Variants in TIMM23B observed in about 807,000 individuals in gnomAD.
TIMM23B encodes translocase of inner mitochondrial membrane 23 homolog B.
Under a neutral mutation model 27.3 loss-of-function variants are expected in TIMM23B, and 27 were observed. The ratio of observed to expected loss-of-function variants is 0.99; its 90% CI spans 0.73 to 1.36. The LOEUF is 1.36. TIMM23B is among the 40% of genes most tolerant of loss of function. TIMM23B has a pLI of 0.00. For missense variants in TIMM23B, 205 were observed against 244.2 expected, an observed-to-expected ratio of 0.84 and a Z score of 1.07; for synonymous variants, 73 against 92.4, an observed-to-expected ratio of 0.79 and a Z score of 1.21.
chr10:49,955,095 A>G, intron 5 of TIMM23B, 35 bp downstream of exon 5: 3 of 1,602,638 alleles, frequency 1.9e-6, no homozygotes, highest in Non-Finnish European at 2.6e-6. Context: ...TAAATTGTTA[A>G]CTTAAAGAAA....
intron 2 of TIMM23B, among the ~76,000 whole-genome samples, chr10:49,945,543 G>A (rs1839328783): frequency 6.6e-6 from 1 of 152,090 alleles, no homozygotes; most frequent in African/African-American, 2.4e-5. Context: ...ACCACGCCTG[G>A]CTAATTTTTG....
intron 5 of TIMM23B, among the ~76,000 whole-genome samples, chr10:49,955,327 A>G (rs1289168436): frequency 2.6e-5 from 4 of 152,232 alleles, no homozygotes; most frequent in Middle Eastern, 3.2e-3. Flanking sequence ...ACAACACCCA[A>G]TAAAATCATG....
In TIMM23B at chr10:49,974,451, TGCAGCCCTCACA is replaced by T. The variant is rs1313374793; in HGVS notation, c.*1394_*1405del. 2.0e-5 allele frequency: 3 copies of T among 149,142 alleles called. No individual in the cohort carries two copies. Among genetic ancestry groups the T allele is most frequent in the African/African-American group, 7.4e-5 (3 of 40,498 alleles). The allele number at this position is 149,142 out of a possible 1,614,324, so 9.2% of individuals were successfully genotyped here. A position where few individuals can be genotyped will look rare whatever the true frequency, so the allele number is the denominator to read the frequency against. ...CAAGTCTTACAGTAGAAAGGGTAAA[TGCAGCCCTCACA>T]GCAGCCTGTTGTTCGTCCTGCAAAT... On this transcript the variant is annotated 3_prime_UTR_variant, in exon 7 of 7. Transcript: ENST00000651259.
chr10:49,965,524 AACAAAT>A (rs1840102079), intron 6 of TIMM23B, among the ~76,000 whole-genome samples: 1 of 151,142 alleles, frequency 6.6e-6, no homozygotes, highest in Non-Finnish European at 1.5e-5. Context: ...AATGAAATGA[AACAAAT>A]GAAATGAAAT....
Position 49,965,888 on chromosome 10 carries a change from A to G in TIMM23B, c.515-7124A>G, listed in dbSNP as rs1840124580. ...AATGAAATGCTGGGTGCGGTGGCGC[A>G]CTCCAGCCTGGGCAATAGAGCAAGT... On this transcript the variant is annotated intron_variant, in intron 6 of 6. Coordinates refer to ENST00000651259, the MANE Select transcript of TIMM23B (RefSeq NM_001290117.2). Among the ~76,000 whole-genome samples the G allele has an allele frequency of 2.6e-5, 4 of 151,480 alleles. No homozygotes were observed. In the South Asian group the frequency reaches 8.3e-4, roughly 32 times the overall value.
intron 2 of TIMM23B, among the ~76,000 whole-genome samples, chr10:49,948,006 A>G (rs1839408373): frequency 6.6e-6 from 1 of 152,224 alleles, no homozygotes; most frequent in South Asian, 2.1e-4. Context: ...TAAGGAATTT[A>G]TATCTAGAAT....
chr10:49,964,732 A>G (rs1363391541), intron 6 of TIMM23B, among the ~76,000 whole-genome samples: 11 of 151,680 alleles, frequency 7.3e-5, no homozygotes, highest in Admixed American at 1.3e-4. Context: ...CTCTGTCTCA[A>G]ATGGGATGAA....
chr10:49,963,293 G>A (rs1472997564), intron 6 of TIMM23B, among the ~76,000 whole-genome samples: 4 of 151,858 alleles, frequency 2.6e-5, no homozygotes, highest in South Asian at 4.2e-4. Flanking sequence ...TCTCTGTCTC[G>A]AAATGAAATG....
intron 6 of TIMM23B, among the ~76,000 whole-genome samples, chr10:49,963,692 G>A (rs1331061442): frequency 3.9e-5 from 6 of 152,164 alleles, no homozygotes; most frequent in African/African-American, 1.4e-4. Context: ...AATACTGGGT[G>A]CGGTGGCTCA....
At chr10:49,964,444 A>G (rs1335307373) in intron 6 of TIMM23B, among the ~76,000 whole-genome samples, 1 of 147,540 alleles carries the variant, frequency 6.8e-6, no homozygotes, top group Non-Finnish European at 1.5e-5. Context: ...TTGAAATGAA[A>G]TGAAATGATC....
At chr10:49,968,238 ATGTTGGAGAAAG>A (rs1167280160) in intron 6 of TIMM23B, among the ~76,000 whole-genome samples, 1 of 152,254 alleles carries the variant, frequency 6.6e-6, no homozygotes, top group African/African-American at 2.4e-5. Context: ...ATGGGCATGC[ATGTTGGAGAAAG>A]TGTTGTGAGC....
At chr10:49,944,073 G>C (rs1447694301) in intron 1 of TIMM23B, among the ~76,000 whole-genome samples, 2 of 152,208 alleles carry the variant, frequency 1.3e-5, no homozygotes, top group Non-Finnish European at 2.9e-5. Flanking sequence ...GTCTGTCTTC[G>C]TAGTTACAAG....
intron 2 of TIMM23B, among the ~76,000 whole-genome samples, chr10:49,950,559 T>G (rs1839494610): frequency 6.7e-6 from 1 of 150,142 alleles, no homozygotes; most frequent in African/African-American, 2.4e-5. Flanking sequence ...TTTTTTTTTT[T>G]GGAGATGGAG....
At chr10:49,967,511 G>A (rs1434601846) in intron 6 of TIMM23B, among the ~76,000 whole-genome samples, 10 of 150,102 alleles carry the variant, frequency 6.7e-5, no homozygotes, top group African/African-American at 2.4e-4. Flanking sequence ...TATTAAGACA[G>A]GAAGTGTGAG....
intron 4 of TIMM23B, among the ~76,000 whole-genome samples, chr10:49,952,937 A>G (rs1279998736): frequency 3.3e-5 from 5 of 152,200 alleles, no homozygotes; most frequent in Non-Finnish European, 7.3e-5. Flanking sequence ...AGCTGCCATC[A>G]TTTAACTTGA....
chr10:49,949,540 A>G lies in TIMM23B; in HGVS notation c.166-2586A>G, dbSNP rs1207891270. On this transcript the variant is annotated intron_variant, in intron 2 of 6. Transcript: ENST00000651259. Reference sequence around the variant, plus strand: ...TCTAGTTAAAATTCAATATCATTGTAGCCCTGCATTGCTAGGTGGGGCTTA... The same window carrying G: ...TCTAGTTAAAATTCAATATCATTGTGGCCCTGCATTGCTAGGTGGGGCTTA... Among the ~76,000 whole-genome samples the G allele has an allele frequency of 2.7e-3, 408 of 151,870 alleles. 8 individuals are homozygous for G. Among genetic ancestry groups the G allele is most frequent in the Admixed American group, 0.024 (356 of 14,932 alleles).
At chr10:49,948,868 T>C (rs1839433761) in intron 2 of TIMM23B, among the ~76,000 whole-genome samples, 1 of 152,174 alleles carries the variant, frequency 6.6e-6, no homozygotes, top group Non-Finnish European at 1.5e-5. Context: ...GAGATACATA[T>C]CAGTAACTCC....
chr10:49,968,348 A>G (rs1840261248), intron 6 of TIMM23B, among the ~76,000 whole-genome samples: 1 of 152,282 alleles, frequency 6.6e-6, no homozygotes, highest in South Asian at 2.1e-4. Flanking sequence ...TAGATTTTAC[A>G]ATCCTTTTAA....
In TIMM23B at chr10:49,973,034, C is replaced by T. The variant is rs546461843; in HGVS notation, c.537C>T (p.Ser179=). 6.5e-7 allele frequency: 1 copy of T among 1,532,398 alleles called. No homozygotes were observed. Among genetic ancestry groups the T allele is most frequent in the African/African-American group, 1.4e-5 (1 of 72,530 alleles). The allele number at this position is 1,532,398 out of a possible 1,614,324, so 94.9% of individuals were successfully genotyped here. A position where few individuals can be genotyped will look rare whatever the true frequency, so the allele number is the denominator to read the frequency against. The change falls in exon 7 of 7, where the codon TCC becomes TCT. Residue 179 remains serine, a synonymous_variant. Coordinates refer to ENST00000651259, the MANE Select transcript of TIMM23B (RefSeq NM_001290117.2). ...TAGTGTCAGAGATGGCTTTGGATTC[C>T]CCGTTCTGTGTGCTGCTGTCTGGCT... The part of the protein sequence containing the change: ...KCTVSEMALD[S]PFCVLLSGS
Sources: allele counts gnomAD v4.1 joint callset (sites outside exome capture counted in the v4.1 genomes callset), GRCh38; gene constraint gnomAD v4.1.1; transcripts MANE v1.5; gene names NCBI Gene and HGNC (gene_info 2026-07-23, HGNC 2026-07-21).